EPHB2: variants seen among roughly 807,000 people sequenced by gnomAD.
EPHB2 encodes the protein ephrin type-B receptor 2.
In EPHB2, 18 loss-of-function variants were observed where a neutral mutation model predicts 96.4. That is an observed-to-expected ratio of 0.19 (90% CI 0.13 to 0.28). The LOEUF (loss-of-function observed/expected upper bound fraction) is 0.28. Ranked by LOEUF, EPHB2 falls within the 10% of genes least tolerant of loss-of-function variation. EPHB2 has a pLI of 1.00. For missense variants in EPHB2, 989 were observed against 1,355.4 expected, an observed-to-expected ratio of 0.73 and a Z score of 4.25; for synonymous variants, 506 against 534.1, an observed-to-expected ratio of 0.95 and a Z score of 0.72.
At chr1:22,759,940 C>A (rs1384546758) in intron 1 of EPHB2, among the ~76,000 whole-genome samples, 1 of 152,114 alleles carries the variant, frequency 6.6e-6, no homozygotes, top group Non-Finnish European at 1.5e-5. Flanking sequence ...GGCTCAAGAA[C>A]CTGCCCCGGA....
chr1:22,887,146 T>C (rs1442553824), intron 6 of EPHB2, among the ~76,000 whole-genome samples: 1 of 151,922 alleles, frequency 6.6e-6, no homozygotes, highest in Non-Finnish European at 1.5e-5. Context: ...TGCCAGGGTT[T>C]AAGGAGGGGA....
At chr1:22,861,667 C>G (rs1363754026) in intron 3 of EPHB2, among the ~76,000 whole-genome samples, 1 of 151,974 alleles carries the variant, frequency 6.6e-6, no homozygotes, top group Non-Finnish European at 1.5e-5. Flanking sequence ...CACTCTGAAC[C>G]CAAGCAATGT....
At chr1:22,869,070 G>T (rs998803514) in intron 5 of EPHB2, among the ~76,000 whole-genome samples, 2 of 151,858 alleles carry the variant, frequency 1.3e-5, no homozygotes, top group African/African-American at 4.8e-5. Flanking sequence ...AGCCCTCAAA[G>T]CCCTGAGGCT....
intron 3 of EPHB2, among the ~76,000 whole-genome samples, chr1:22,827,476 ATAG>A (rs1278762069): frequency 1.3e-5 from 2 of 152,228 alleles, no homozygotes; most frequent in South Asian, 2.1e-4. Flanking sequence ...AGTGTTATAC[ATAG>A]TAGTGGCTTT....
chr1:22,800,952 C>T (rs1159854308), intron 3 of EPHB2, among the ~76,000 whole-genome samples: 1 of 152,228 alleles, frequency 6.6e-6, no homozygotes, highest in Non-Finnish European at 1.5e-5. Context: ...GCGCAACGCT[C>T]CATCCCTGGC....
At chr1:22,848,418 G>A (rs34626029) in intron 3 of EPHB2, among the ~76,000 whole-genome samples, 3,871 of 152,302 alleles carry the variant, frequency 0.025, 76 homozygotes, top group Non-Finnish European at 0.037. Flanking sequence ...TCCTTAAAAT[G>A]TGGAGCCCAA....
intron 6 of EPHB2, among the ~76,000 whole-genome samples, chr1:22,890,332 G>A (rs1217786126): frequency 6.6e-6 from 1 of 152,166 alleles, no homozygotes; most frequent in Non-Finnish European, 1.5e-5. Context: ...CTTCCTGGAG[G>A]AGGAGGCAGA....
At chr1:22,771,708 A>C (rs1644381615) in intron 1 of EPHB2, among the ~76,000 whole-genome samples, 1 of 152,224 alleles carries the variant, frequency 6.6e-6, no homozygotes. Context: ...TGTTCCATGC[A>C]CACGGTAGCT....
intron 6 of EPHB2, among the ~76,000 whole-genome samples, chr1:22,883,090 G>C (rs576726616): frequency 6.6e-6 from 1 of 152,234 alleles, no homozygotes; most frequent in African/African-American, 2.4e-5. Context: ...TCCCAGCTCC[G>C]TCCTTCACCA....
chr1:22,763,741 C>T (rs1335243231), intron 1 of EPHB2, among the ~76,000 whole-genome samples: 2 of 152,170 alleles, frequency 1.3e-5, no homozygotes, highest in Non-Finnish European at 2.9e-5. Flanking sequence ...TATTGTTTTA[C>T]AGCCCTGGAG....
intron 1 of EPHB2, among the ~76,000 whole-genome samples, chr1:22,761,683 C>T (rs1301174704): frequency 6.6e-6 from 1 of 152,172 alleles, no homozygotes; most frequent in East Asian, 1.9e-4. Flanking sequence ...CTCTCCTGGA[C>T]CTCTCTCTCC....
chr1:22,758,256 G>A (rs2148390711), intron 1 of EPHB2, among the ~76,000 whole-genome samples: 1 of 152,024 alleles, frequency 6.6e-6, no homozygotes. Flanking sequence ...CAAAAGCTGG[G>A]GGATGGCCCT....
At chr1:22,740,623 A>G (rs1643890084) in intron 1 of EPHB2, among the ~76,000 whole-genome samples, 1 of 152,212 alleles carries the variant, frequency 6.6e-6, no homozygotes, top group African/African-American at 2.4e-5. Flanking sequence ...TGGTCTCACC[A>G]GGGCCTCGTG....
intron 1 of EPHB2, among the ~76,000 whole-genome samples, chr1:22,776,394 T>G (rs1222830324): frequency 6.6e-6 from 1 of 152,222 alleles, no homozygotes; most frequent in African/African-American, 2.4e-5. Flanking sequence ...CAATAAACCA[T>G]GTACATCCTC....
chr1:22,717,929 G>T (rs1257700835), intron 1 of EPHB2, among the ~76,000 whole-genome samples: 1 of 152,134 alleles, frequency 6.6e-6, no homozygotes, highest in East Asian at 1.9e-4. Flanking sequence ...TCAAATGGGG[G>T]TAATCATTGT....
intron 9 of EPHB2, among the ~76,000 whole-genome samples, chr1:22,901,046 A>G (rs922321020): frequency 2.6e-5 from 4 of 152,228 alleles, no homozygotes; most frequent in African/African-American, 7.2e-5. Context: ...GAAGCCATCA[A>G]ACCTCTCTGA....
At chr1:22,901,890 AAC>A (rs1639763815) in intron 9 of EPHB2, among the ~76,000 whole-genome samples, 1 of 151,288 alleles carries the variant, frequency 6.6e-6, no homozygotes, top group African/African-American at 2.4e-5. Context: ...CAGTGGCACA[AAC>A]ACGGCTTACT....
intron 4 of EPHB2, among the ~76,000 whole-genome samples, chr1:22,863,884 C>A (rs1638364615): frequency 6.6e-6 from 1 of 152,166 alleles, no homozygotes; most frequent in African/African-American, 2.4e-5. Flanking sequence ...CACCACCACA[C>A]CCAGCTAATT....
intron 1 of EPHB2, among the ~76,000 whole-genome samples, chr1:22,720,087 G>T (rs532687399): frequency 1.3e-5 from 2 of 152,150 alleles, no homozygotes; most frequent in African/African-American, 4.8e-5. Context: ...TACGCTCCTC[G>T]CTATCTCCCA....
Sources: gnomAD v4.1 joint callset for allele counts (sites outside exome capture counted in the v4.1 genomes callset) on GRCh38, gnomAD v4.1.1 for gene constraint, MANE v1.5 for transcripts, NCBI Gene and HGNC (gene_info 2026-07-23, HGNC 2026-07-21) for gene names.